The following IRAG1 variants were observed in gnomAD, a reference collection of about 807,000 sequenced individuals.
IRAG1 encodes IP3R-associated cGMP kinase substrate.
IRAG1 carries 62 observed loss-of-function variants against 106.2 expected under a neutral mutation model. That is an observed-to-expected ratio of 0.58 (90% CI 0.48 to 0.72). IRAG1 has a LOEUF of 0.72. Among genes scored for constraint, IRAG1 ranks in the 30% least tolerant of loss-of-function variants. IRAG1 has a pLI of 0.00. For missense variants in IRAG1, 1,064 were observed against 1,140.7 expected (o/e 0.93, Z 0.97); for synonymous variants, 462 against 443.9 (o/e 1.04, Z -0.51).
chr11:10,666,327 G>A (rs1859783144), intron 1 of IRAG1, among the ~76,000 whole-genome samples: 1 of 152,234 alleles, frequency 6.6e-6, no homozygotes, highest in Non-Finnish European at 1.5e-5. Flanking sequence ...TCAGAAAGGT[G>A]AAGTAATTTG....
chr11:10,641,845 C>G (rs1376142526), intron 2 of IRAG1, among the ~76,000 whole-genome samples: 1 of 152,178 alleles, frequency 6.6e-6, no homozygotes, highest in Non-Finnish European at 1.5e-5. Flanking sequence ...CAAAAACTGA[C>G]TTGTCCAGGG....
rs1302007725 is a variant in IRAG1, at chr11:10,665,271, G to T, written c.68-13089C>A. 6.6e-6 allele frequency among the ~76,000 whole-genome samples: 1 copy of T among 152,060 alleles called. No homozygotes were observed. The highest frequency in any genetic ancestry group is 1.9e-4 in the East Asian group (1 of 5,194). On this transcript the variant is annotated intron_variant, in intron 1 of 20. Coordinates refer to ENST00000423302, the MANE Select transcript of IRAG1 (RefSeq NM_130385.4). This position sits in a 1 kb window ranked among gnomAD's most constrained non-coding sequence, Gnocchi z 4.2. ...ACCTGTTCCTCTTTCTGCATTCCCT[G>T]CTACCATTGGTGGGCCCAGCATCTG...
chr11:10,681,376 TG>T (rs1188059353), intron 1 of IRAG1, among the ~76,000 whole-genome samples: 7 of 152,172 alleles, frequency 4.6e-5, no homozygotes, highest in South Asian at 4.1e-4. Flanking sequence ...TAGCAGTAAA[TG>T]TTTTTTTTAA....
intron 10 of IRAG1, among the ~76,000 whole-genome samples, chr11:10,622,320 T>A (rs1358453811): frequency 6.6e-6 from 1 of 151,960 alleles, no homozygotes; most frequent in African/African-American, 2.4e-5. Flanking sequence ...GCACAGAGGC[T>A]AGAGGGTGAG....
intron 1 of IRAG1, among the ~76,000 whole-genome samples, chr11:10,683,303 T>C (rs1251437732): frequency 6.6e-6 from 1 of 151,486 alleles, no homozygotes; most frequent in African/African-American, 2.4e-5. Flanking sequence ...AACATATTTA[T>C]CTAGTTTTAA....
chr11:10,576,253 T>C lies in IRAG1; in HGVS notation c.*79A>G. 7 of 1,583,152 alleles carry C rather than the reference T, an allele frequency of 4.4e-6. No homozygotes were observed. Among genetic ancestry groups the C allele is most frequent in the Non-Finnish European group, 8.6e-7 (1 of 1,161,798 alleles). ...GGGATGGGCGGCAGTGTGTCCACACTTGGGCCTGACGTTATACTTGGGGAA... is the reference window on the plus strand; with the variant it reads ...GGGATGGGCGGCAGTGTGTCCACACCTGGGCCTGACGTTATACTTGGGGAA... On this transcript the variant is annotated 3_prime_UTR_variant, in exon 21 of 21. Coordinates refer to ENST00000423302, the MANE Select transcript of IRAG1 (RefSeq NM_130385.4).
At position 10,577,187 on chromosome 11, in the gene IRAG1, T is replaced by C. The variant is rs181678578; in HGVS notation, c.2496-612A>G. 8.0e-4 allele frequency among the ~76,000 whole-genome samples: 122 copies of C among 152,340 alleles called. 1 individual carries two copies. The highest frequency in any genetic ancestry group is 8.0e-3 in the Admixed American group (122 of 15,306). On this transcript the variant is annotated intron_variant, in intron 20 of 20. Transcript: ENST00000423302. ...AACCATCCAAGAGCAGGCAGAAGAT[T>C]AGAAGCCTCTAGCAATGTCTGGGTG...
At chr11:10,658,915 A>C (rs1210082290) in intron 1 of IRAG1, among the ~76,000 whole-genome samples, 1 of 124,004 alleles carries the variant, frequency 8.1e-6, no homozygotes, top group East Asian at 2.4e-4. Flanking sequence ...TGCTGTGCTC[A>C]CCCCATGTCT....
intron 20 of IRAG1, among the ~76,000 whole-genome samples, chr11:10,577,989 T>C (rs1851001519): frequency 6.6e-6 from 1 of 152,074 alleles, no homozygotes; most frequent in African/African-American, 2.4e-5. Context: ...TTAGACAGAG[T>C]TGGATGCTAA....
intron 1 of IRAG1, among the ~76,000 whole-genome samples, chr11:10,654,835 C>T (rs1202170521): frequency 6.6e-6 from 1 of 152,198 alleles, no homozygotes; most frequent in African/African-American, 2.4e-5. Flanking sequence ...GAAGATAAGA[C>T]AGGATGGGGA....
At position 10,626,414 on chromosome 11, in the gene IRAG1, G is replaced by C; in HGVS notation, c.920C>G (p.Ala307Gly). ...QYPETTPKGL[A>G]PVTNSSGKMA... ...TTTCCCACTGCTGTTTGTAACAGGAGCTAGGCCTTTGGGTGTGGTCTCGGG... is the reference window on the plus strand; with the variant it reads ...TTTCCCACTGCTGTTTGTAACAGGACCTAGGCCTTTGGGTGTGGTCTCGGG... Residue 307 changes from alanine (A) to glycine (G), a missense_variant, in exon 9 of 21, where the codon GCT (alanine) becomes GGT (glycine). Ala to Gly is a moderately conservative substitution (Grantham distance 60). Transcript: ENST00000423302. The C allele has an allele frequency of 6.2e-7, 1 of 1,613,998 alleles. No homozygotes were observed. The highest frequency in any genetic ancestry group is 8.5e-7 in the Non-Finnish European group (1 of 1,179,880).
chr11:10,603,145 G>A lies in IRAG1; in HGVS notation c.1850C>T (p.Ala617Val). 1.2e-6 allele frequency: 2 copies of A among 1,611,454 alleles called. No homozygotes were observed. The highest frequency in any genetic ancestry group is 1.7e-6 in the Non-Finnish European group (2 of 1,179,054). ...HRLAARLSSR[A>V]EVVGAVRQEK... ...CTGGCGGACGGCGCCTACCACCTCA[G>A]CTCGGCTGGAGAGGCGGGCAGCCAG... is the stretch of plus-strand genomic sequence containing the variant. Residue 617 changes from alanine to valine, a missense_variant, in exon 14 of 21, where the codon GCT (alanine) becomes GTT (valine). By Grantham distance (64) the Ala-to-Val change is moderately conservative (BLOSUM62 0). Transcript: ENST00000423302.
Position 10,657,932 on chromosome 11 carries a change from C to T in IRAG1, c.68-5750G>A, listed in dbSNP as rs1859050224. Among the ~76,000 whole-genome samples the T allele has an allele frequency of 6.6e-6, 1 of 152,230 alleles. No homozygotes were observed. The highest frequency in any genetic ancestry group is 1.5e-5 in the Non-Finnish European group (1 of 68,044). On this transcript the variant is annotated intron_variant, in intron 1 of 20. Transcript: ENST00000423302. The surrounding 1 kb of genome is among the most constrained non-coding windows in gnomAD (Gnocchi z 4.1). ...GGCAGAGTCAGAAAAGTCCCCAGAG[C>T]ACCCATGCCCCGAGCCCGGCTGCAT...
At chr11:10,646,994 A>T (rs1354898160) in intron 2 of IRAG1, among the ~76,000 whole-genome samples, 3 of 152,176 alleles carry the variant, frequency 2.0e-5, no homozygotes. Context: ...GGCATGTGAC[A>T]TGCAGCTTTG....
At chr11:10,608,461 G>C (rs965748616) in intron 11 of IRAG1, among the ~76,000 whole-genome samples, 6 of 152,052 alleles carry the variant, frequency 3.9e-5, no homozygotes, top group African/African-American at 1.4e-4. Context: ...AAAAAAGTGG[G>C]GGTCTGGGGG....
chr11:10,594,522 G>A (rs888097743), intron 15 of IRAG1, among the ~76,000 whole-genome samples: 4 of 152,154 alleles, frequency 2.6e-5, no homozygotes, highest in Admixed American at 6.5e-5. Context: ...TCAGCAACAC[G>A]AAGACTTATT....
chr11:10,682,495 A>C (rs986324926), intron 1 of IRAG1, among the ~76,000 whole-genome samples: 2 of 152,208 alleles, frequency 1.3e-5, no homozygotes, highest in Admixed American at 6.5e-5. Flanking sequence ...GGCCTGAGAA[A>C]TAGTCTTCCT....
chr11:10,687,893 T>TTACA, intron 1 of IRAG1: 1 of 894,882 alleles, frequency 1.1e-6, no homozygotes, highest in Non-Finnish European at 1.5e-6. Flanking sequence ...GGGTGGTATT[T>TTACA]AACTTTGTAA....
intron 18 of IRAG1, 72 bp downstream of exon 18, chr11:10,591,476 G>A: frequency 7.5e-7 from 1 of 1,329,230 alleles, no homozygotes; most frequent in South Asian, 1.3e-5. Context: ...ATAAAAATGG[G>A]AGGAAGGAAA....
Sources: gnomAD v4.1 joint callset for allele counts (sites outside exome capture counted in the v4.1 genomes callset) on GRCh38, gnomAD v4.1.1 for gene constraint, Gnocchi (gnomAD v3.1) non-coding constraint, MANE v1.5 for transcripts, NCBI Gene and HGNC (gene_info 2026-07-23, HGNC 2026-07-21) for gene names.